Variants in HYDIN observed in about 807,000 individuals in gnomAD.
HYDIN encodes the protein HYDIN axonemal central pair apparatus protein, also known as axonemal central pair apparatus protein HYDIN.
In HYDIN, 132 loss-of-function variants were observed where a neutral mutation model predicts 403.9. The ratio of observed to expected loss-of-function variants is 0.33; its 90% CI spans 0.28 to 0.38. HYDIN has a LOEUF of 0.38. HYDIN is among the 10% of genes least tolerant of loss of function. The pLI is 1.00. For synonymous variants in HYDIN, 1,202 were observed against 1,891.7 expected (o/e 0.64, Z 9.46); for missense variants, 2,827 against 5,009.5 (o/e 0.56, Z 13.15).
At chr16:70,980,297 A>C (rs1287121716) in intron 29 of HYDIN, among the ~76,000 whole-genome samples, 3 of 150,956 alleles carry the variant, frequency 2.0e-5, no homozygotes, top group Non-Finnish European at 3.0e-5. Flanking sequence ...GAGACCAGGA[A>C]TGCAAGACTA....
chr16:71,181,722 T>G (rs2144656259), intron 3 of HYDIN, among the ~76,000 whole-genome samples: 1 of 152,296 alleles, frequency 6.6e-6, no homozygotes. Flanking sequence ...GATTAAAAAT[T>G]CATGTCTTCA....
At chr16:71,052,015 CTTAATTAAAGGAT>C (rs2081668290) in intron 18 of HYDIN, among the ~76,000 whole-genome samples, 1 of 152,172 alleles carries the variant, frequency 6.6e-6, no homozygotes, top group African/African-American at 2.4e-5. Flanking sequence ...AATTATAAGC[CTTAATTAAAGGAT>C]ATAAAAGAAA....
chr16:70,959,071 G>C (rs1192014551), intron 39 of HYDIN, among the ~76,000 whole-genome samples: 1 of 151,930 alleles, frequency 6.6e-6, no homozygotes, highest in Non-Finnish European at 1.5e-5. Context: ...TCCCAATGTA[G>C]GTGATTCTGC....
chr16:70,970,749 C>A lies in HYDIN; in HGVS notation c.5390G>T (p.Ser1797Ile), dbSNP rs753895448. The A allele has an allele frequency of 4.7e-5, 74 of 1,577,206 alleles. No homozygotes were observed. The highest frequency in any genetic ancestry group is 5.5e-5 in the Non-Finnish European group (64 of 1,160,974). Residue 1797 changes from serine to isoleucine, a missense_variant, in exon 36 of 86, where the codon AGC (serine) becomes ATC (isoleucine). By Grantham distance (142) the Ser-to-Ile change is moderately radical. Coordinates refer to ENST00000393567, the MANE Select transcript of HYDIN (RefSeq NM_001270974.2). ...KFMPKEEKFY[S>I]QTLVFQIAQS... Reference sequence around the variant, plus strand: ...GGCAATCTGAAACACCAGGGTTTGGCTGTAGAATTTCTGGAAAACATAAAA... The same window carrying A: ...GGCAATCTGAAACACCAGGGTTTGGATGTAGAATTTCTGGAAAACATAAAA...
Position 71,067,406 on chromosome 16 carries a change from T to C in HYDIN, c.1975-16A>G, listed in dbSNP as rs779239194. ...ATAATGTCACCTGGAAAGAAAAAGG[T>C]GACAAGTTGGTCTTCGAAAAAGCAC... is the stretch of plus-strand genomic sequence containing the variant. On this transcript the variant is annotated splice_polypyrimidine_tract_variant and intron_variant, in intron 14 of 85. Coordinates refer to ENST00000393567, the MANE Select transcript of HYDIN (RefSeq NM_001270974.2). The C allele has an allele frequency of 5.7e-6, 9 of 1,590,698 alleles. No homozygotes were observed. Among genetic ancestry groups the C allele is most frequent in the Non-Finnish European group, 7.7e-6 (9 of 1,163,934 alleles).
At chr16:70,857,567 T>A in intron 72 of HYDIN, 138 bp downstream of exon 72, 8 of 1,161,758 alleles carry the variant, frequency 6.9e-6, no homozygotes, top group South Asian at 3.5e-5. Flanking sequence ...TGTGGCTTTT[T>A]AAAAACTGAT....
At chr16:70,832,540 G>C (rs564418933) in intron 80 of HYDIN, among the ~76,000 whole-genome samples, 154 of 151,912 alleles carry the variant, frequency 1.0e-3, no homozygotes, top group Admixed American at 2.5e-3. Flanking sequence ...ATATACCAAG[G>C]CCATTTTTTT....
intron 4 of HYDIN, among the ~76,000 whole-genome samples, chr16:71,177,187 C>T (rs925337044): frequency 1.3e-5 from 2 of 152,210 alleles, no homozygotes; most frequent in African/African-American, 4.8e-5. Flanking sequence ...AAAACTCACA[C>T]GTGCCCTTTA....
chr16:70,938,262 G>C (rs1332120610), intron 44 of HYDIN, among the ~76,000 whole-genome samples: 2 of 152,360 alleles, frequency 1.3e-5, no homozygotes, highest in African/African-American at 2.4e-5. Flanking sequence ...AGTGAGCACA[G>C]AGGCTGATAA....
At chr16:70,990,755 G>A (rs929344337) in intron 25 of HYDIN, among the ~76,000 whole-genome samples, 2 of 152,194 alleles carry the variant, frequency 1.3e-5, no homozygotes, top group South Asian at 2.1e-4. Context: ...GTATCTGGAG[G>A]ATAATTTCTA....
At position 70,921,087 on chromosome 16, in the gene HYDIN, T is replaced by C. The variant is rs753538107; in HGVS notation, c.7289A>G (p.His2430Arg). The change falls in exon 46 of 86, where the codon CAT becomes CGT. Residue 2430 changes from histidine (H) to arginine (R), a missense_variant. By Grantham distance (29) the His-to-Arg change is conservative (BLOSUM62 0). Transcript: ENST00000393567. The stretch of plus-strand genomic sequence containing the variant: ...TTGGTCCTGGACAAGAGGAAGCCCA[T>C]GCATGCTGACATCGCCCATGTTCCT... The part of the protein sequence containing the change: ...KKRNMGDVSM[H>R]GLPLVQDQED... The C allele has an allele frequency of 3.1e-6, 5 of 1,604,266 alleles. No individual in the cohort carries two copies. The highest frequency in any genetic ancestry group is 3.3e-5 in the Admixed American group (2 of 59,908).
chr16:70,976,110 T>C (rs987096979), intron 30 of HYDIN, among the ~76,000 whole-genome samples: 5 of 152,022 alleles, frequency 3.3e-5, no homozygotes, highest in Non-Finnish European at 7.4e-5. Context: ...CTAACACAGT[T>C]GGTCACCTCA....
rs897427782 is a variant in HYDIN at position 70,903,371 on chromosome 16, C to T, written c.8849+254G>A. Among the ~76,000 whole-genome samples, 23 of 136,330 alleles carry T rather than the reference C, an allele frequency of 1.7e-4. 1 individual carries two copies. Among genetic ancestry groups the T allele is most frequent in the Non-Finnish European group, 3.0e-4 (19 of 63,850 alleles). The allele number at this position is 136,330 out of a possible 152,430, so 89.4% of individuals were successfully genotyped here. On this transcript the variant is annotated intron_variant, in intron 52 of 85. Coordinates refer to ENST00000393567, the MANE Select transcript of HYDIN (RefSeq NM_001270974.2). ...CCTTCTGCAGAAACACAGACATACGCATATTTTGGTAGTTGATCTTAGGGG... is the reference window on the plus strand; with the variant it reads ...CCTTCTGCAGAAACACAGACATACGTATATTTTGGTAGTTGATCTTAGGGG...
chr16:70,807,820 G>A lies in HYDIN; in HGVS notation c.15126C>T (p.Phe5042=), dbSNP rs1050923736. The stretch of plus-strand genomic sequence containing the variant: ...TCACCATGTGATAGAAGACATTCTT[G>A]AAGGGGATGATTATGCTGTACCCGG... The part of the protein sequence containing the change: ...IRAGYSIIIP[F]KNVFYHMVTF... Residue 5042 remains phenylalanine, a synonymous_variant, in exon 86 of 86, where the codon TTC becomes TTT. Transcript: ENST00000393567. 8 of 1,614,102 alleles carry A rather than the reference G, an allele frequency of 5.0e-6. No homozygotes were observed. Among genetic ancestry groups the A allele is most frequent in the Middle Eastern group, 1.6e-4 (1 of 6,084 alleles).
chr16:71,092,172 G>T (rs201892901), intron 11 of HYDIN, among the ~76,000 whole-genome samples: 2 of 151,950 alleles, frequency 1.3e-5, no homozygotes, highest in Non-Finnish European at 2.9e-5. Context: ...CAGGTTTGCC[G>T]TTCCTTGAAT....
At chr16:71,188,987 T>C (rs191290779) in intron 1 of HYDIN, among the ~76,000 whole-genome samples, 2 of 152,318 alleles carry the variant, frequency 1.3e-5, no homozygotes, top group Admixed American at 1.3e-4. Flanking sequence ...TCCATTCTCC[T>C]GGAAATTTTA....
chr16:71,003,534 GC>G (rs1282544474), intron 23 of HYDIN, among the ~76,000 whole-genome samples: 1 of 151,632 alleles, frequency 6.6e-6, no homozygotes, highest in African/African-American at 2.4e-5. Flanking sequence ...GTTGGCTCAT[GC>G]CTGTAAGCAA....
At chr16:71,157,861 G>T (rs1239979648) in intron 6 of HYDIN, among the ~76,000 whole-genome samples, 1 of 144,502 alleles carries the variant, frequency 6.9e-6, no homozygotes, top group East Asian at 2.0e-4. Flanking sequence ...GAAGCAAAAG[G>T]AGAGGAGGAA....
intron 37 of HYDIN, among the ~76,000 whole-genome samples, chr16:70,963,215 G>A (rs1370295865): frequency 2.6e-5 from 4 of 151,670 alleles, no homozygotes; most frequent in Admixed American, 6.6e-5. Context: ...TTTTTTCCCC[G>A]GCACTTTTTT....
Sources: gnomAD v4.1 joint callset for allele counts (sites outside exome capture counted in the v4.1 genomes callset) on GRCh38, gnomAD v4.1.1 for gene constraint, MANE v1.5 for transcripts, NCBI Gene and HGNC (gene_info 2026-07-23, HGNC 2026-07-21) for gene names.